CAST: variants seen among roughly 807,000 people sequenced by gnomAD.
CAST encodes MIR583 host.
CAST carries 76 observed loss-of-function variants against 119.6 expected under a neutral mutation model. The observed-to-expected ratio is 0.64, with a 90% CI of 0.53 to 0.77. The LOEUF is 0.77. CAST is among the 30% of genes least tolerant of loss of function. The probability of loss-of-function intolerance (pLI) is 0.00; values close to 1 mark genes in which losing one functional copy is unlikely to be tolerated. For missense variants in CAST, 953 were observed against 946.5 expected, an observed-to-expected ratio of 1.01 and a Z score of -0.09; for synonymous variants, 319 against 331.6, an observed-to-expected ratio of 0.96 and a Z score of 0.41.
chr5:96,699,902 C>T (rs1753687876), intron 3 of CAST, among the ~76,000 whole-genome samples: 1 of 152,128 alleles, frequency 6.6e-6, no homozygotes, highest in Non-Finnish European at 1.5e-5. Flanking sequence ...AACATTAGGC[C>T]TTTCAAACAG....
chr5:96,658,396 G>A (rs1369261815), upstream of CAST, among the ~76,000 whole-genome samples: 3 of 152,166 alleles, frequency 2.0e-5, no homozygotes, highest in Admixed American at 6.5e-5. Flanking sequence ...GTACATCAGC[G>A]TGAATTCTGG....
the CAST span, among the ~76,000 whole-genome samples, chr5:96,003,516 C>T: frequency 4.4e-4 from 60 of 135,304 alleles, no homozygotes; most frequent in Admixed American, 6.9e-4. Flanking sequence ...CCAGCCTGGG[C>T]GACAGAGCGA....
intron 9 of CAST, among the ~76,000 whole-genome samples, chr5:96,734,974 G>C (rs1761325635): frequency 6.6e-6 from 1 of 151,914 alleles, no homozygotes; most frequent in Non-Finnish European, 1.5e-5. Flanking sequence ...AGAGGGAGGG[G>C]AAGAGAGACA....
the CAST span, among the ~76,000 whole-genome samples, chr5:95,991,608 C>T: frequency 4.5e-3 from 660 of 147,588 alleles, 8 homozygotes; most frequent in African/African-American, 0.016. Flanking sequence ...AGGGCTCAAG[C>T]GAGTCTCCTA....
At chr5:96,299,762 T>G in the CAST span, among the ~76,000 whole-genome samples, 1 of 152,204 alleles carries the variant, frequency 6.6e-6, no homozygotes, top group Non-Finnish European at 1.5e-5. Flanking sequence ...GAATTTTATT[T>G]TCTATTGTAT....
At chr5:96,011,969 G>T in the CAST span, among the ~76,000 whole-genome samples, 1 of 152,152 alleles carries the variant, frequency 6.6e-6, no homozygotes, top group African/African-American at 2.4e-5. Context: ...ACTAGTAATA[G>T]TATTTTGCTT....
the CAST span, among the ~76,000 whole-genome samples, chr5:95,996,401 A>G: frequency 6.6e-6 from 1 of 152,146 alleles, no homozygotes; most frequent in East Asian, 1.9e-4. Context: ...AGTCAGTCTC[A>G]TCCTCCTTTG....
At chr5:96,347,708 A>G in the CAST span, among the ~76,000 whole-genome samples, 3 of 152,152 alleles carry the variant, frequency 2.0e-5, no homozygotes, top group Non-Finnish European at 4.4e-5. Context: ...AGTTCCTAAG[A>G]GTCATCCCAG....
Position 96,634,494 on chromosome 5 carries a change from C to A in CAST, c.61-41045C>A, listed in dbSNP as rs541782426. Among the ~76,000 whole-genome samples the A allele has an allele frequency of 9.9e-5, 15 of 152,278 alleles. No individual in the cohort carries two copies. In the South Asian group the frequency reaches 3.1e-3, roughly 32 times the overall value. Reference sequence around the variant, plus strand: ...CACTTAAACTTCAGATGAACTGATTCCAGCAGAATGGACTCTTATCTTGAC... The same window carrying A: ...CACTTAAACTTCAGATGAACTGATTACAGCAGAATGGACTCTTATCTTGAC... On this transcript the variant is annotated intron_variant, in intron 1 of 11. Transcript: ENST00000505143.
intron 9 of CAST, among the ~76,000 whole-genome samples, chr5:96,732,999 T>C (rs1471453351): frequency 6.6e-6 from 1 of 151,944 alleles, no homozygotes; most frequent in Non-Finnish European, 1.5e-5. Flanking sequence ...GTAAAGAAGG[T>C]CATAGGGAAA....
chr5:96,282,922 G>A, the CAST span, among the ~76,000 whole-genome samples: 2 of 151,630 alleles, frequency 1.3e-5, no homozygotes, highest in Admixed American at 6.6e-5. Flanking sequence ...GAGGTCAGGA[G>A]ATCGAGACCA....
At chr5:96,512,318 T>G in the CAST span, among the ~76,000 whole-genome samples, 1 of 152,186 alleles carries the variant, frequency 6.6e-6, no homozygotes, top group Non-Finnish European at 1.5e-5. Flanking sequence ...TCCCTGAGAT[T>G]GTGATTCTGT....
At chr5:96,289,333 A>G in the CAST span, among the ~76,000 whole-genome samples, 3 of 152,134 alleles carry the variant, frequency 2.0e-5, no homozygotes, top group Non-Finnish European at 4.4e-5. Flanking sequence ...CCTGGCTGAT[A>G]TGGTTTGGCT....
At chr5:96,487,825 G>A in the CAST span, among the ~76,000 whole-genome samples, 1 of 152,200 alleles carries the variant, frequency 6.6e-6, no homozygotes, top group Non-Finnish European at 1.5e-5. Context: ...TGTCATTGCT[G>A]TAAATCAGGG....
At chr5:96,658,107 A>G (rs544912670), upstream of CAST, among the ~76,000 whole-genome samples, 1 of 152,182 alleles carries the variant, frequency 6.6e-6, no homozygotes, top group African/African-American at 2.4e-5. Context: ...TGAAAAAAAA[A>G]AATGTAATTT....
the CAST span, among the ~76,000 whole-genome samples, chr5:95,975,891 T>C: frequency 3.3e-5 from 5 of 152,102 alleles, no homozygotes; most frequent in African/African-American, 1.2e-4. Context: ...GCCATGAATA[T>C]AGTAATTGGT....
At chr5:96,408,553 T>C in the CAST span, among the ~76,000 whole-genome samples, 1 of 152,244 alleles carries the variant, frequency 6.6e-6, no homozygotes, top group Admixed American at 6.5e-5. Flanking sequence ...ATGCCTTTTC[T>C]GGGGATGAAG....
At chr5:96,443,269 G>A in the CAST span, among the ~76,000 whole-genome samples, 1 of 152,152 alleles carries the variant, frequency 6.6e-6, no homozygotes. Context: ...ATAATGCCCT[G>A]AAAGTACATT....
chr5:96,465,243 T>G, the CAST span, among the ~76,000 whole-genome samples: 1 of 152,052 alleles, frequency 6.6e-6, no homozygotes, highest in African/African-American at 2.4e-5. Context: ...TTTTGTATTT[T>G]TGTATATTTT....
Sources: allele counts gnomAD v4.1 joint callset (sites outside exome capture counted in the v4.1 genomes callset), GRCh38; gene constraint gnomAD v4.1.1; transcripts MANE v1.5; gene names NCBI Gene and HGNC (gene_info 2026-07-23, HGNC 2026-07-21).